The following TDRD1 variants were observed in gnomAD, a reference collection of about 807,000 sequenced individuals.
TDRD1 encodes tudor domain-containing protein 1.
Under a neutral mutation model 140.6 loss-of-function variants are expected in TDRD1, and 37 were observed. That is an observed-to-expected ratio of 0.26 (90% confidence interval 0.20 to 0.35). The LOEUF is 0.35. Ranked by LOEUF, TDRD1 falls within the 10% of genes least tolerant of loss-of-function variation. The pLI, the probability that TDRD1 is intolerant of heterozygous loss-of-function variation, is 1.00. For synonymous variants in TDRD1, 506 were observed against 475.7 expected (o/e 1.06, Z -0.83); for missense variants, 1,243 against 1,393.0 (o/e 0.89, Z 1.71).
chr10:114,193,568 T>C (rs1486670983), intron 3 of TDRD1, among the ~76,000 whole-genome samples: 1 of 152,226 alleles, frequency 6.6e-6, no homozygotes, highest in Admixed American at 6.5e-5. Context: ...TGCTTGGGAT[T>C]ACAGGCGTGA....
chr10:114,188,112 G>A lies in TDRD1; in HGVS notation c.281G>A (p.Gly94Glu), dbSNP rs141909159. 629 of 1,608,368 alleles carry A rather than the reference G, an allele frequency of 3.9e-4. 5 individuals are homozygous for A. The East Asian group carries it at 0.011, about 29-fold the overall frequency. ...TCTTCAAACCCGAATGGCATCAACGGAGAAGTAGTTGGCTCCAAAGGAGAC... is the reference window on the plus strand; with the variant it reads ...TCTTCAAACCCGAATGGCATCAACGAAGAAGTAGTTGGCTCCAAAGGAGAC... The change falls in exon 2 of 26, where the codon GGA becomes GAA. Residue 94 changes from glycine (G) to glutamate (E), a missense_variant. Around this residue, in one of 5 missense-constraint regions of TDRD1, gnomAD observed 237 missense variants for 215.5 expected, o/e 1.10. Transcript: ENST00000251864.
At chr10:114,206,975 C>T (rs1564951466) in intron 11 of TDRD1, among the ~76,000 whole-genome samples, 1 of 152,142 alleles carries the variant, frequency 6.6e-6, no homozygotes, top group Non-Finnish European at 1.5e-5. Flanking sequence ...TTGGGTATTC[C>T]ACCAGTAATT....
Position 114,203,196 on chromosome 10 carries a change from C to G in TDRD1, c.801+20C>G. The G allele has an allele frequency of 6.4e-7, 1 of 1,566,786 alleles. No individual in the cohort carries two copies. The highest frequency in any genetic ancestry group is 8.8e-7 in the Non-Finnish European group (1 of 1,139,148). On this transcript the variant is annotated intron_variant, in intron 7 of 25. Transcript: ENST00000251864. ...ATAAAGGTATTTGTTTTTCTTCAAT[C>G]TCCATAGACACAGATCCAGAGAACT... is the stretch of plus-strand genomic sequence containing the variant.
intron 16 of TDRD1, among the ~76,000 whole-genome samples, chr10:114,216,707 T>C (rs2035835797): frequency 1.3e-5 from 2 of 152,236 alleles, no homozygotes; most frequent in South Asian, 4.1e-4. Flanking sequence ...TTTGTGCTTT[T>C]GAGAGCTAGT....
At chr10:114,224,292 T>C (rs2036310889) in intron 21 of TDRD1, among the ~76,000 whole-genome samples, 1 of 152,226 alleles carries the variant, frequency 6.6e-6, no homozygotes, top group Non-Finnish European at 1.5e-5. Context: ...AAAAGATTAA[T>C]GTTATTCCGG....
At chr10:114,175,993 C>A (rs1388979582), upstream of TDRD1, among the ~76,000 whole-genome samples, 1 of 152,024 alleles carries the variant, frequency 6.6e-6, no homozygotes, top group Non-Finnish European at 1.5e-5. Flanking sequence ...TGTAGAACTC[C>A]ATGTAATAAT....
intron 11 of TDRD1, among the ~76,000 whole-genome samples, chr10:114,207,253 G>A (rs998334): frequency 0.47 from 70,885 of 152,054 alleles, 17,516 homozygotes; most frequent in African/African-American, 0.64. Flanking sequence ...TAACAGTGCC[G>A]TGGTTGGACA....
chr10:114,218,590 G>C lies in TDRD1; in HGVS notation c.2494+6G>C. 1.9e-6 allele frequency: 3 copies of C among 1,574,174 alleles called. No homozygotes were observed. Among genetic ancestry groups the C allele is most frequent in the Non-Finnish European group, 2.6e-6 (3 of 1,156,576 alleles). On this transcript the variant is annotated splice_donor_region_variant and intron_variant, in intron 18 of 25. Transcript: ENST00000251864. The stretch of plus-strand genomic sequence containing the variant: ...AATACGGTGCCAGTTAGCAGGTATG[G>C]TATACAATAAGAAACTTTCTCAACT...
intron 11 of TDRD1, among the ~76,000 whole-genome samples, chr10:114,208,020 G>A (rs1490219187): frequency 1.3e-5 from 2 of 152,048 alleles, no homozygotes; most frequent in Admixed American, 6.6e-5. Flanking sequence ...GATGCCACAC[G>A]GAGCAGGAAA....
intron 22 of TDRD1, 129 bp downstream of exon 22, chr10:114,226,345 A>T: frequency 1.6e-6 from 1 of 614,278 alleles, no homozygotes; most frequent in Non-Finnish European, 2.8e-6. Flanking sequence ...AAATATTAAG[A>T]GTTTTCAAAT....
chr10:114,204,973 A>C, intron 10 of TDRD1, 80 bp downstream of exon 10: 1 of 1,320,736 alleles, frequency 7.6e-7, no homozygotes, highest in Non-Finnish European at 1.0e-6. Flanking sequence ...GGAAACATCA[A>C]GTGAGGCCAG....
At position 114,187,863 on chromosome 10, in the gene TDRD1, C is replaced by G. The variant is rs781646697; in HGVS notation, c.32C>G (p.Ser11Ter). The stretch of plus-strand genomic sequence containing the variant: ...GTTAAATCGCCATTTAATGTGATGT[C>G]AAGAAATAATTTGGAAGCACCTCCT... Residue 11 changes from serine (S) to a stop codon, truncating the protein, a stop_gained, in exon 2 of 26, where the codon TCA (serine) becomes TGA (stop). Transcript: ENST00000251864. LOFTEE classifies it high-confidence loss of function. 6.2e-7 allele frequency: 1 copy of G among 1,601,284 alleles called. No individual in the cohort carries two copies. The highest frequency in any genetic ancestry group is 8.5e-7 in the Non-Finnish European group (1 of 1,176,052).
intron 2 of TDRD1, among the ~76,000 whole-genome samples, chr10:114,190,455 A>C (rs2033879457): frequency 6.6e-6 from 1 of 152,214 alleles, no homozygotes; most frequent in South Asian, 2.1e-4. Flanking sequence ...GAGGAGCACT[A>C]GTCAAGAAAA....
intron 11 of TDRD1, among the ~76,000 whole-genome samples, chr10:114,208,710 C>A (rs1405893785): frequency 6.6e-6 from 1 of 152,068 alleles, no homozygotes; most frequent in African/African-American, 2.4e-5. Flanking sequence ...TACTTAACTA[C>A]TTCTTAGTAG....
intron 22 of TDRD1, 107 bp downstream of exon 22, chr10:114,226,323 C>G (rs539901001): frequency 1.2e-5 from 8 of 694,028 alleles, no homozygotes; most frequent in Non-Finnish European, 1.9e-5. Context: ...CAGTAACTGC[C>G]TTAATGTTTT....
At chr10:114,231,221 C>T (rs974281984) in intron 25 of TDRD1, among the ~76,000 whole-genome samples, 2 of 152,118 alleles carry the variant, frequency 1.3e-5, no homozygotes, top group Non-Finnish European at 2.9e-5. Flanking sequence ...TTTCAACACA[C>T]AAGTTAATGT....
intron 2 of TDRD1, among the ~76,000 whole-genome samples, chr10:114,188,996 G>A (rs2033763581): frequency 6.6e-6 from 1 of 151,924 alleles, no homozygotes. Context: ...ATGTGCGCTT[G>A]GGCCTCTGGG....
chr10:114,206,092 T>C, intron 10 of TDRD1, 152 bp from the exon 11 acceptor site: 1 of 598,410 alleles, frequency 1.7e-6, no homozygotes, highest in Non-Finnish European at 2.9e-6. Context: ...CTACCATAGC[T>C]TACCCATAGG....
At chr10:114,189,014 A>T (rs559843249) in intron 2 of TDRD1, among the ~76,000 whole-genome samples, 2 of 152,220 alleles carry the variant, frequency 1.3e-5, no homozygotes, top group South Asian at 4.1e-4. Flanking sequence ...GGGCTTCCCC[A>T]GGAGGTCAAA....
Sources: gnomAD v4.1 joint callset for allele counts (sites outside exome capture counted in the v4.1 genomes callset) on GRCh38, gnomAD v4.1.1 for gene constraint, gnomAD v4.1.1 regional missense constraint, MANE v1.5 for transcripts, NCBI Gene and HGNC (gene_info 2026-07-23, HGNC 2026-07-21) for gene names.